The following PPP2R3A variants were observed in gnomAD, a reference collection of about 807,000 sequenced individuals.
PPP2R3A encodes the protein serine/threonine-protein phosphatase 2A regulatory subunit B'' subunit alpha.
PPP2R3A carries 80 observed loss-of-function variants against 106.9 expected under a neutral mutation model. That is an observed-to-expected ratio of 0.75 (90% CI 0.62 to 0.90). The LOEUF (loss-of-function observed/expected upper bound fraction) is 0.90, where lower values mean the gene tolerates loss of function less well. Ranked by LOEUF, PPP2R3A falls within the 40% of genes least tolerant of loss-of-function variation. PPP2R3A has a pLI of 0.00. For missense variants in PPP2R3A, 1,386 were observed against 1,350.4 expected (o/e 1.03, Z -0.41); for synonymous variants, 483 against 468.3 (o/e 1.03, Z -0.41).
At chr3:136,062,580 T>C (rs1936112769) in intron 5 of PPP2R3A, among the ~76,000 whole-genome samples, 1 of 151,786 alleles carries the variant, frequency 6.6e-6, no homozygotes, top group South Asian at 2.1e-4. Flanking sequence ...TAGCCAGGCG[T>C]GGTGGTGGGC....
At chr3:136,113,279 G>T (rs1484510677) in intron 13 of PPP2R3A, among the ~76,000 whole-genome samples, 1 of 152,156 alleles carries the variant, frequency 6.6e-6, no homozygotes, top group African/African-American at 2.4e-5. Flanking sequence ...CACACAGACT[G>T]CGTGGAACAA....
intron 13 of PPP2R3A, among the ~76,000 whole-genome samples, chr3:136,134,937 T>C (rs1938548821): frequency 6.6e-6 from 1 of 152,158 alleles, no homozygotes. Context: ...TTACTATTGT[T>C]TTATAACCTG....
intron 12 of PPP2R3A, among the ~76,000 whole-genome samples, chr3:136,105,279 G>T (rs1334420671): frequency 2.0e-5 from 3 of 152,336 alleles, no homozygotes; most frequent in African/African-American, 7.2e-5. Flanking sequence ...GGTGGCTGCT[G>T]TGCAAAGTGC....
chr3:136,117,007 A>G (rs1937789221), intron 13 of PPP2R3A, among the ~76,000 whole-genome samples: 1 of 152,180 alleles, frequency 6.6e-6, no homozygotes, highest in Non-Finnish European at 1.5e-5. Context: ...TCCTCAGCAA[A>G]TGTAAAAGAA....
chr3:136,029,466 T>C (rs1023511784), intron 3 of PPP2R3A, among the ~76,000 whole-genome samples: 5 of 152,086 alleles, frequency 3.3e-5, no homozygotes, highest in African/African-American at 1.2e-4. Flanking sequence ...GCAGAAAGCC[T>C]AAAGACTCCA....
chr3:136,085,375 G>T (rs940658198), intron 8 of PPP2R3A, among the ~76,000 whole-genome samples: 2 of 152,154 alleles, frequency 1.3e-5, no homozygotes, highest in African/African-American at 4.8e-5. Flanking sequence ...CCCCAGCCAT[G>T]TGGAACTGTG....
At chr3:136,119,823 A>G (rs548169859) in intron 13 of PPP2R3A, among the ~76,000 whole-genome samples, 1 of 152,366 alleles carries the variant, frequency 6.6e-6, no homozygotes, top group East Asian at 1.9e-4. Flanking sequence ...ATCTAGAACT[A>G]GAAATACCGT....
At chr3:135,982,257 C>T (rs563218938) in intron 1 of PPP2R3A, among the ~76,000 whole-genome samples, 1 of 149,076 alleles carries the variant, frequency 6.7e-6, no homozygotes, top group East Asian at 1.9e-4. Context: ...TTCTGTTTCA[C>T]AATAATGTAC....
chr3:136,136,090 A>G (rs56332248), intron 13 of PPP2R3A, among the ~76,000 whole-genome samples: 20,951 of 130,414 alleles, frequency 0.16, 3,037 homozygotes, highest in Non-Finnish European at 0.25. Context: ...ATATATATAT[A>G]TATAAAAAAC....
intron 8 of PPP2R3A, among the ~76,000 whole-genome samples, chr3:136,083,524 C>T (rs572574809): frequency 6.6e-6 from 1 of 152,258 alleles, no homozygotes; most frequent in African/African-American, 2.4e-5. Context: ...ATAAATTACC[C>T]AGTCTCAGGT....
intron 10 of PPP2R3A, among the ~76,000 whole-genome samples, chr3:136,098,175 G>C (rs142790013): frequency 6.6e-6 from 1 of 152,192 alleles, no homozygotes; most frequent in East Asian, 1.9e-4. Context: ...AATTAGCCAG[G>C]TGTGGTGGTA....
In PPP2R3A at chr3:136,145,633, T is replaced by C. The variant is rs1013612357; in HGVS notation, c.*467T>C. On this transcript the variant is annotated 3_prime_UTR_variant, in exon 14 of 14. Transcript: ENST00000264977. Reference sequence around the variant, plus strand: ...GCCTCCAGAATTGACTTAGCCCTAGTAATAAAAGCACTGCCAAAACATCTC... The same window carrying C: ...GCCTCCAGAATTGACTTAGCCCTAGCAATAAAAGCACTGCCAAAACATCTC... 6.5e-6 allele frequency: 1 copy of C among 152,870 alleles called. No homozygotes were observed. Among genetic ancestry groups the C allele is most frequent in the Non-Finnish European group, 1.5e-5 (1 of 68,232 alleles). 9.5% of individuals were successfully genotyped at this position (152,870 alleles called of 1,614,324 possible).
At chr3:136,113,538 C>T (rs1052076218) in intron 13 of PPP2R3A, among the ~76,000 whole-genome samples, 1 of 152,120 alleles carries the variant, frequency 6.6e-6, no homozygotes, top group African/African-American at 2.4e-5. Context: ...CTTGTAATCC[C>T]AGCACTTTTT....
intron 1 of PPP2R3A, among the ~76,000 whole-genome samples, chr3:135,966,314 G>T (rs1937083159): frequency 6.6e-6 from 1 of 152,138 alleles, no homozygotes; most frequent in East Asian, 1.9e-4. Context: ...TTCCTTCCCC[G>T]CCCCCTGCCC....
chr3:136,136,183 G>A (rs1230193382), intron 13 of PPP2R3A, among the ~76,000 whole-genome samples: 1 of 150,770 alleles, frequency 6.6e-6, no homozygotes, highest in Admixed American at 6.6e-5. Flanking sequence ...TGTAATCTCA[G>A]GCATCCAAGC....
chr3:136,069,626 TAAAG>T (rs748679981), intron 5 of PPP2R3A, among the ~76,000 whole-genome samples: 4 of 152,204 alleles, frequency 2.6e-5, no homozygotes, highest in East Asian at 1.9e-4. Context: ...TAAAAAAAGT[TAAAG>T]AAATAAGTCC....
intron 2 of PPP2R3A, among the ~76,000 whole-genome samples, chr3:136,018,751 A>G (rs1934364083): frequency 6.6e-6 from 1 of 152,162 alleles, no homozygotes; most frequent in African/African-American, 2.4e-5. Flanking sequence ...AAAAAGAAAA[A>G]AAATATTTAG....
chr3:136,053,292 T>C (rs529269385), intron 5 of PPP2R3A, among the ~76,000 whole-genome samples: 12 of 152,124 alleles, frequency 7.9e-5, no homozygotes, highest in African/African-American at 2.9e-4. Context: ...AAAATAAAAG[T>C]TTAAAAAAGA....
intron 4 of PPP2R3A, among the ~76,000 whole-genome samples, chr3:136,042,358 G>A (rs1468489599): frequency 1.3e-5 from 2 of 152,096 alleles, no homozygotes; most frequent in Non-Finnish European, 2.9e-5. Flanking sequence ...TGAGGGAAGG[G>A]AGAGCATTAG....
Sources: allele counts gnomAD v4.1 joint callset (sites outside exome capture counted in the v4.1 genomes callset), GRCh38; gene constraint gnomAD v4.1.1; transcripts MANE v1.5; gene names NCBI Gene and HGNC (gene_info 2026-07-23, HGNC 2026-07-21).